NEK1: variants seen among roughly 807,000 people sequenced by gnomAD.
NEK1 encodes NIMA related kinase 1, also known as serine/threonine-protein kinase Nek1.
NEK1 carries 137 observed loss-of-function variants against 182.1 expected under a neutral mutation model. The ratio of observed to expected loss-of-function variants is 0.75; its 90% CI spans 0.65 to 0.87. The LOEUF (loss-of-function observed/expected upper bound fraction) is 0.87, where lower values mean the gene tolerates loss of function less well. Among genes scored for constraint, NEK1 ranks in the 40% least tolerant of loss-of-function variants. NEK1 has a pLI of 0.00. For synonymous variants in NEK1, 513 were observed against 492.2 expected (o/e 1.04, Z -0.56); for missense variants, 1,391 against 1,494.4 (o/e 0.93, Z 1.14).
chr4:169,491,154 AAAAAAAAAAG>A (rs1444889002), intron 23 of NEK1, among the ~76,000 whole-genome samples: 60 of 147,398 alleles, frequency 4.1e-4, no homozygotes, highest in Middle Eastern at 3.4e-3. Context: ...AAAAAAAAAA[AAAAAAAAAAG>A]AGAGATGGAG....
chr4:169,435,087 G>A (rs1341708842), intron 28 of NEK1, among the ~76,000 whole-genome samples: 2 of 152,190 alleles, frequency 1.3e-5, no homozygotes, highest in African/African-American at 4.8e-5. Context: ...CTATAACAGA[G>A]TATCATAGAC....
At position 169,479,497 on chromosome 4, in the gene NEK1, G is replaced by A. The variant is rs779634939; in HGVS notation, c.2045C>T (p.Pro682Leu). The A allele has an allele frequency of 5.7e-5, 91 of 1,610,224 alleles. No individual in the cohort carries two copies. Among genetic ancestry groups the A allele is most frequent in the Non-Finnish European group, 7.6e-5 (89 of 1,178,484 alleles). The stretch of plus-strand genomic sequence containing the variant: ...ACCTGTTTCATGCTGTCCCAAAGGT[G>A]GAGAAACATCAGAACTCTTAACTCC... ...AKGVKSSDVS[P>L]PLGQHETGGS... Residue 682 changes from proline (P) to leucine (L), a missense_variant, in exon 24 of 36, where the codon CCA becomes CTA. Pro to Leu is a moderately conservative substitution (Grantham distance 98). This residue lies in a region of NEK1 where 1,216 missense variants were observed against 1,277.6 expected (regional missense o/e 0.95). Transcript: ENST00000507142.
chr4:169,412,065 G>A (rs1733768227), intron 31 of NEK1, among the ~76,000 whole-genome samples: 1 of 152,202 alleles, frequency 6.6e-6, no homozygotes, highest in Non-Finnish European at 1.5e-5. Context: ...TCCATGAGCA[G>A]AGGATTTTTG....
At chr4:169,565,754 C>T (rs1763573381) in intron 12 of NEK1, among the ~76,000 whole-genome samples, 1 of 152,162 alleles carries the variant, frequency 6.6e-6, no homozygotes, top group Non-Finnish European at 1.5e-5. Flanking sequence ...TTAAGCAAAT[C>T]TGTATAGAAA....
At chr4:169,440,646 T>A (rs73864618) in intron 27 of NEK1, among the ~76,000 whole-genome samples, 2,003 of 152,248 alleles carry the variant, frequency 0.013, 38 homozygotes, top group African/African-American at 0.045. Flanking sequence ...AGCGAAACAG[T>A]TGGCCTGGCT....
At chr4:169,584,740 C>A (rs1279455919) in intron 10 of NEK1, among the ~76,000 whole-genome samples, 2 of 152,190 alleles carry the variant, frequency 1.3e-5, no homozygotes, top group Non-Finnish European at 2.9e-5. Context: ...ACTTTTAATT[C>A]TCACAATAAC....
intron 19 of NEK1, among the ~76,000 whole-genome samples, chr4:169,526,689 G>T (rs950956304): frequency 3.3e-5 from 5 of 152,104 alleles, no homozygotes; most frequent in African/African-American, 1.2e-4. Context: ...ATTCCAGAGG[G>T]TTAATCCTTC....
intron 31 of NEK1, among the ~76,000 whole-genome samples, chr4:169,414,407 C>A (rs1404103019): frequency 6.6e-6 from 1 of 151,478 alleles, no homozygotes; most frequent in Non-Finnish European, 1.5e-5. Context: ...TGGTTGTTAT[C>A]CAATAACCCT....
chr4:169,585,335 G>C lies in NEK1; in HGVS notation c.807+14C>G. 1 of 1,605,066 alleles carries C rather than the reference G, an allele frequency of 6.2e-7. No homozygotes were observed. The highest frequency in any genetic ancestry group is 8.5e-7 in the Non-Finnish European group (1 of 1,173,920). On this transcript the variant is annotated intron_variant, in intron 10 of 35. Coordinates refer to ENST00000507142, the MANE Select transcript of NEK1 (RefSeq NM_001199397.3). ...ATAACCCTACTGTTTAATTTTAAAG[G>C]AAAAAGAACTTACCTGAGGAGAGAG...
At chr4:169,395,932 C>T (rs969290311) in intron 35 of NEK1, among the ~76,000 whole-genome samples, 1 of 152,136 alleles carries the variant, frequency 6.6e-6, no homozygotes. Flanking sequence ...TTCAACTCAT[C>T]ATGTTTGTGG....
At chr4:169,598,298 C>A (rs938721764) in intron 5 of NEK1, among the ~76,000 whole-genome samples, 4 of 152,078 alleles carry the variant, frequency 2.6e-5, no homozygotes, top group Non-Finnish European at 5.9e-5. Context: ...ACACTCCTAG[C>A]ACAGTGCTCC....
At chr4:169,436,192 C>G (rs1018488179) in intron 28 of NEK1, among the ~76,000 whole-genome samples, 9 of 152,260 alleles carry the variant, frequency 5.9e-5, no homozygotes, top group Admixed American at 2.0e-4. Context: ...GTGTGAGCCA[C>G]TGAGCCTGGC....
chr4:169,514,831 T>G (rs1335581043), intron 19 of NEK1, among the ~76,000 whole-genome samples: 2 of 152,190 alleles, frequency 1.3e-5, no homozygotes, highest in Non-Finnish European at 2.9e-5. Flanking sequence ...ATAGTATTAC[T>G]GGTCTCAATT....
At chr4:169,583,362 AAAC>A (rs1296858554) in intron 10 of NEK1, among the ~76,000 whole-genome samples, 3 of 152,146 alleles carry the variant, frequency 2.0e-5, no homozygotes, top group Non-Finnish European at 4.4e-5. Flanking sequence ...TTTTATCTTT[AAAC>A]AACAAGCGAT....
intron 18 of NEK1, among the ~76,000 whole-genome samples, chr4:169,544,777 T>C (rs1760097355): frequency 6.6e-6 from 1 of 152,022 alleles, no homozygotes; most frequent in South Asian, 2.1e-4. Context: ...TGTAGAGGTA[T>C]TTATAGTATT....
chr4:169,491,538 AG>A (rs1411138560), intron 23 of NEK1, among the ~76,000 whole-genome samples: 1 of 152,222 alleles, frequency 6.6e-6, no homozygotes, highest in Non-Finnish European at 1.5e-5. Context: ...ATAAAATAGA[AG>A]TAAAGTCTTT....
At chr4:169,421,606 C>T (rs557305549) in intron 31 of NEK1, among the ~76,000 whole-genome samples, 1 of 152,162 alleles carries the variant, frequency 6.6e-6, no homozygotes, top group East Asian at 1.9e-4. Context: ...TGCCCACGCT[C>T]TCTCCCTCTC....
At chr4:169,583,398 G>A (rs897173822) in intron 10 of NEK1, among the ~76,000 whole-genome samples, 1 of 152,108 alleles carries the variant, frequency 6.6e-6, no homozygotes, top group African/African-American at 2.4e-5. Flanking sequence ...ATAAATCTGA[G>A]AAACAGCAGA....
At chr4:169,410,565 C>CT in intron 31 of NEK1, among the ~76,000 whole-genome samples, 1 of 152,276 alleles carries the variant, frequency 6.6e-6, no homozygotes, top group East Asian at 1.9e-4. Flanking sequence ...CTGCTGCTCT[C>CT]TAAGAATAAC....
Sources: allele counts gnomAD v4.1 joint callset (sites outside exome capture counted in the v4.1 genomes callset), GRCh38; gene constraint gnomAD v4.1.1; regional missense constraint gnomAD v4.1.1; transcripts MANE v1.5; gene names NCBI Gene and HGNC (gene_info 2026-07-23, HGNC 2026-07-21).